Variants in CARMIL1 observed in about 807,000 individuals in gnomAD.
CARMIL1 encodes capping protein regulator and myosin 1 linker 1, also known as F-actin-uncapping protein LRRC16A.
A neutral mutation model predicts 177.1 loss-of-function variants in CARMIL1; 90 were observed. The observed-to-expected ratio is 0.51, with a 90% CI of 0.43 to 0.61. CARMIL1 has a LOEUF of 0.61. Among genes scored for constraint, CARMIL1 ranks in the 20% least tolerant of loss-of-function variants. The pLI, the probability that CARMIL1 is intolerant of heterozygous loss-of-function variation, is 0.00. For synonymous variants in CARMIL1, 577 were observed against 606.2 expected (o/e 0.95, Z 0.71); for missense variants, 1,380 against 1,667.0 (o/e 0.83, Z 3.00).
At chr6:25,496,881 G>A (rs939132061) in intron 16 of CARMIL1, among the ~76,000 whole-genome samples, 1 of 152,140 alleles carries the variant, frequency 6.6e-6, no homozygotes, top group Non-Finnish European at 1.5e-5. Flanking sequence ...GTAACATTTT[G>A]TTGGTTAATG....
chr6:25,397,592 A>G (rs566664552), intron 2 of CARMIL1, among the ~76,000 whole-genome samples: 8 of 152,236 alleles, frequency 5.3e-5, no homozygotes, highest in Non-Finnish European at 8.8e-5. Context: ...GGAATCTGCT[A>G]TCACAGTGCC....
intron 26 of CARMIL1, among the ~76,000 whole-genome samples, chr6:25,548,419 A>C (rs758945235): frequency 6.6e-6 from 1 of 152,074 alleles, no homozygotes; most frequent in Non-Finnish European, 1.5e-5. Context: ...TTTGCAGTTG[A>C]CCTTTCCATG....
chr6:25,600,445 C>G lies in CARMIL1; in HGVS notation c.3251C>G (p.Pro1084Arg), dbSNP rs1815278339. The G allele has an allele frequency of 6.2e-7, 1 of 1,613,904 alleles. No homozygotes were observed. Among genetic ancestry groups the G allele is most frequent in the African/African-American group, 1.3e-5 (1 of 74,924 alleles). Reference protein sequence around the residue: ...IKSRSKSERPPTILMTEEPSS... With the variant: ...IKSRSKSERPRTILMTEEPSS... ...TCCCGGTCCAAATCCGAGCGACCAC[C>G]AACGATCTTGATGACAGAAGAACCC... Residue 1084 changes from proline (P) to arginine (R), a missense_variant, in exon 33 of 37, where the codon CCA becomes CGA. By Grantham distance (103) the Pro-to-Arg change is moderately radical (BLOSUM62 -2). Coordinates refer to ENST00000329474, the MANE Select transcript of CARMIL1 (RefSeq NM_017640.6).
chr6:25,608,426 A>G (rs957806479), intron 35 of CARMIL1, among the ~76,000 whole-genome samples: 2 of 152,282 alleles, frequency 1.3e-5, no homozygotes, highest in African/African-American at 4.8e-5. Flanking sequence ...GTTCAGTACT[A>G]TCCCGGTTTC....
chr6:25,399,932 A>G (rs1793745696), intron 2 of CARMIL1, among the ~76,000 whole-genome samples: 1 of 152,152 alleles, frequency 6.6e-6, no homozygotes, highest in Admixed American at 6.5e-5. Context: ...AATCTTCACG[A>G]CACTTATAGG....
At chr6:25,362,058 T>TA (rs1477924799) in intron 2 of CARMIL1, among the ~76,000 whole-genome samples, 1 of 152,358 alleles carries the variant, frequency 6.6e-6, no homozygotes, top group African/African-American at 2.4e-5. Context: ...TACTGTGTTA[T>TA]AGCAACAGAA....
chr6:25,517,336 T>A lies in CARMIL1; in HGVS notation c.1806-11T>A. 1 of 1,608,404 alleles carries A rather than the reference T, an allele frequency of 6.2e-7. No individual in the cohort carries two copies. The highest frequency in any genetic ancestry group is 8.5e-7 in the Non-Finnish European group (1 of 1,175,324). Reference sequence around the variant, plus strand: ...GTGTCTGATCATTTATGTGATTTGATTTTCAAACAGGACTGTAATATGGGA... The same window carrying A: ...GTGTCTGATCATTTATGTGATTTGAATTTCAAACAGGACTGTAATATGGGA... On this transcript the variant is annotated splice_polypyrimidine_tract_variant and intron_variant, in intron 21 of 36. Transcript: ENST00000329474.
intron 3 of CARMIL1, chr6:25,420,422 C>G (rs976150534): frequency 7.6e-5 from 32 of 419,794 alleles, no homozygotes; most frequent in African/African-American, 6.1e-4. Flanking sequence ...TTTGTTCCCT[C>G]TCTTTGTGTA....
At chr6:25,354,902 C>T (rs978485816) in intron 2 of CARMIL1, among the ~76,000 whole-genome samples, 1 of 152,156 alleles carries the variant, frequency 6.6e-6, no homozygotes, top group African/African-American at 2.4e-5. Context: ...TGCTTATAGA[C>T]CCAGTGTGAT....
At chr6:25,543,654 T>G (rs999791872) in intron 26 of CARMIL1, among the ~76,000 whole-genome samples, 1 of 152,142 alleles carries the variant, frequency 6.6e-6, no homozygotes, top group African/African-American at 2.4e-5. Context: ...ACTTGACTGG[T>G]AAATTTCAGC....
chr6:25,354,511 T>G (rs959804492), intron 2 of CARMIL1, among the ~76,000 whole-genome samples: 5 of 151,898 alleles, frequency 3.3e-5, no homozygotes, highest in Non-Finnish European at 1.5e-5. Context: ...TATGCTTCCA[T>G]GAGAGAGGAT....
chr6:25,291,986 G>A (rs9379751), intron 2 of CARMIL1, among the ~76,000 whole-genome samples: 67,241 of 152,106 alleles, frequency 0.44, 15,949 homozygotes, highest in Non-Finnish European at 0.52. Flanking sequence ...AGTGTACCTC[G>A]TAGTTGTTCT....
intron 29 of CARMIL1, among the ~76,000 whole-genome samples, chr6:25,559,456 G>T (rs1487330752): frequency 6.6e-6 from 1 of 152,118 alleles, no homozygotes; most frequent in African/African-American, 2.4e-5. Context: ...TAGGACTCAA[G>T]ATTAACTGTT....
At chr6:25,397,842 C>A (rs533345831) in intron 2 of CARMIL1, among the ~76,000 whole-genome samples, 3 of 152,184 alleles carry the variant, frequency 2.0e-5, no homozygotes, top group South Asian at 2.1e-4. Flanking sequence ...ATTTTAGACA[C>A]CTAAATTGGG....
intron 2 of CARMIL1, among the ~76,000 whole-genome samples, chr6:25,298,920 T>C (rs1244573492): frequency 6.6e-6 from 1 of 151,440 alleles, no homozygotes; most frequent in East Asian, 1.9e-4. Context: ...ATGCCCAGCT[T>C]ATTTTGTATT....
chr6:25,316,225 G>A (rs1784258943), intron 2 of CARMIL1, among the ~76,000 whole-genome samples: 1 of 152,124 alleles, frequency 6.6e-6, no homozygotes, highest in South Asian at 2.1e-4. Flanking sequence ...ATTGCATAGG[G>A]AACACTGCCT....
At chr6:25,602,840 A>G (rs528823803) in intron 33 of CARMIL1, among the ~76,000 whole-genome samples, 2 of 152,338 alleles carry the variant, frequency 1.3e-5, no homozygotes, top group South Asian at 2.1e-4. Flanking sequence ...TGAGATATAT[A>G]CATATAAATA....
chr6:25,317,650 T>A (rs1406558106), intron 2 of CARMIL1, among the ~76,000 whole-genome samples: 2 of 144,486 alleles, frequency 1.4e-5, no homozygotes, highest in African/African-American at 5.2e-5. Flanking sequence ...CGCTGCAGCC[T>A]CCACCTCCTG....
At chr6:25,442,942 A>G (rs548426424) in intron 5 of CARMIL1, among the ~76,000 whole-genome samples, 1 of 152,084 alleles carries the variant, frequency 6.6e-6, no homozygotes, top group African/African-American at 2.4e-5. Flanking sequence ...AGATTAATTT[A>G]TTTCTTTCTG....
Sources: gnomAD v4.1 joint callset for allele counts (sites outside exome capture counted in the v4.1 genomes callset) on GRCh38, gnomAD v4.1.1 for gene constraint, MANE v1.5 for transcripts, NCBI Gene and HGNC (gene_info 2026-07-23, HGNC 2026-07-21) for gene names.